SCRN1: variants seen among roughly 807,000 people sequenced by gnomAD.
SCRN1 encodes secernin 1.
A neutral mutation model predicts 43.3 loss-of-function variants in SCRN1; 19 were observed. The ratio of observed to expected loss-of-function variants is 0.44; its 90% CI spans 0.31 to 0.64. The LOEUF (loss-of-function observed/expected upper bound fraction) is 0.64, where lower values mean the gene tolerates loss of function less well. Ranked by LOEUF, SCRN1 falls within the 30% of genes least tolerant of loss-of-function variation. SCRN1 has a pLI of 0.09. For synonymous variants in SCRN1, 183 were observed against 188.9 expected, an observed-to-expected ratio of 0.97 and a Z score of 0.26; for missense variants, 447 against 524.1, an observed-to-expected ratio of 0.85 and a Z score of 1.44.
At chr7:29,968,333 A>T (rs1276071720) in intron 2 of SCRN1, among the ~76,000 whole-genome samples, 1 of 152,206 alleles carries the variant, frequency 6.6e-6, no homozygotes, top group African/African-American at 2.4e-5. Flanking sequence ...GTAGGGAGTG[A>T]TCTCCAGAAT....
At chr7:29,969,234 TGGA>T in intron 1 of SCRN1, 166 bp from the exon 2 acceptor site, 1 of 703,436 alleles carries the variant, frequency 1.4e-6, no homozygotes, top group Non-Finnish European at 2.3e-6. Flanking sequence ...ACGCCTGCAG[TGGA>T]ATGACAGAGC....
intron 6 of SCRN1, among the ~76,000 whole-genome samples, chr7:29,934,843 G>A (rs1010308026): frequency 6.6e-6 from 1 of 152,228 alleles, no homozygotes; most frequent in South Asian, 2.1e-4. Context: ...TTGTTTCACA[G>A]AGGGGCTGGG....
intron 1 of SCRN1, among the ~76,000 whole-genome samples, chr7:29,973,878 A>T (rs765298402): frequency 1.3e-5 from 2 of 152,232 alleles, no homozygotes; most frequent in Non-Finnish European, 2.9e-5. Flanking sequence ...TTACTTGTCC[A>T]GCATCAGAGA....
intron 1 of SCRN1, among the ~76,000 whole-genome samples, chr7:29,985,302 G>T (rs147426013): frequency 2.1e-5 from 3 of 144,030 alleles, no homozygotes; most frequent in African/African-American, 7.9e-5. Context: ...CTACTCAGGA[G>T]ACTAAAGCAG....
chr7:29,968,164 G>A (rs1292986718), intron 2 of SCRN1, among the ~76,000 whole-genome samples: 4 of 152,160 alleles, frequency 2.6e-5, no homozygotes, highest in Non-Finnish European at 5.9e-5. Context: ...CACTATGACA[G>A]ATGCATAAGG....
At chr7:29,951,155 G>A (rs1583670320) in intron 3 of SCRN1, among the ~76,000 whole-genome samples, 1 of 152,212 alleles carries the variant, frequency 6.6e-6, no homozygotes, top group Admixed American at 6.5e-5. Context: ...AAGCTTCCAG[G>A]CACCACGTTT....
At chr7:29,947,398 A>G in intron 3 of SCRN1, 1 of 1,496,136 alleles carries the variant, frequency 6.7e-7, no homozygotes, top group South Asian at 1.3e-5. Flanking sequence ...TATCTTTTCA[A>G]CATCTGTGCC....
In SCRN1 at chr7:29,986,494, C is replaced by T. The variant is rs563872270; in HGVS notation, c.-2+3148G>A. ...ATACAAACTAGCTGCATTTCAAGTG[C>T]TCAATAGCCACATGAGGCTGGTGGC... is the stretch of plus-strand genomic sequence containing the variant. On this transcript the variant is annotated intron_variant, in intron 1 of 7. Transcript: ENST00000242059. Among the ~76,000 whole-genome samples the T allele has an allele frequency of 2.1e-4, 32 of 152,100 alleles. No individual in the cohort carries two copies. The East Asian group carries it at 6.0e-3, about 28-fold the overall frequency.
At chr7:29,926,110 A>G (rs1175349876) in intron 7 of SCRN1, among the ~76,000 whole-genome samples, 2 of 152,236 alleles carry the variant, frequency 1.3e-5, no homozygotes, top group Admixed American at 6.5e-5. Context: ...CCCCAAAAGT[A>G]CATAAGGAAT....
In SCRN1 at chr7:29,989,722, T is replaced by G. The variant is rs376263175; in HGVS notation, c.-82A>C. 1.1e-4 allele frequency: 106 copies of G among 985,872 alleles called. No individual in the cohort carries two copies. The East Asian group carries it at 2.5e-3, about 23-fold the overall frequency. The allele number at this position is 985,872 out of a possible 1,614,324, so 61.1% of individuals were successfully genotyped here. A position where few individuals can be genotyped will look rare whatever the true frequency, so the allele number is the denominator to read the frequency against. On this transcript the variant is annotated 5_prime_UTR_variant, in exon 1 of 8. Coordinates refer to ENST00000242059, the MANE Select transcript of SCRN1 (RefSeq NM_014766.5). ...CGCCGAGGGTGCGGGTGCTGCCGGG[T>G]CCGGATTACTGCGGCGACCTCGGGG...
chr7:29,930,671 T>A (rs1787128580), intron 6 of SCRN1, among the ~76,000 whole-genome samples: 1 of 152,242 alleles, frequency 6.6e-6, no homozygotes, highest in Middle Eastern at 3.2e-3. Flanking sequence ...AGGCTGATTC[T>A]GCCTCTGTCC....
At chr7:29,967,403 T>C (rs1583687634) in intron 2 of SCRN1, among the ~76,000 whole-genome samples, 1 of 151,786 alleles carries the variant, frequency 6.6e-6, no homozygotes, top group East Asian at 1.9e-4. Flanking sequence ...TTTTTTTTTT[T>C]TTTTTTAAAG....
intron 7 of SCRN1, 64 bp downstream of exon 7, chr7:29,926,388 C>T (rs1318002199): frequency 2.6e-6 from 4 of 1,553,354 alleles, no homozygotes; most frequent in Non-Finnish European, 3.5e-6. Flanking sequence ...TTCCCTGCCT[C>T]CTTCCTCGCT....
chr7:29,985,232 C>T (rs1460173236), intron 1 of SCRN1, among the ~76,000 whole-genome samples: 1 of 142,856 alleles, frequency 7.0e-6, no homozygotes, highest in Non-Finnish European at 1.5e-5. Flanking sequence ...GGTGAAACCC[C>T]GTCTCTACTA....
rs750147420 is a variant in SCRN1 at position 29,936,576 on chromosome 7, A to G, written c.885T>C (p.Thr295=). The change falls in exon 6 of 8, where the codon ACT becomes ACC. Residue 295 remains threonine (T), a synonymous_variant. Transcript: ENST00000242059. ...NRSSPCIHYF[T]GTPDPSRSIF... ...CAAACCTGGAAGGATCAGGGGTTCC[A>G]GTGAAGTAGTGAATGCACGGAGAGC... 1.3e-6 allele frequency: 2 copies of G among 1,590,598 alleles called. No individual in the cohort carries two copies. The highest frequency in any genetic ancestry group is 2.7e-5 in the African/African-American group (2 of 74,654).
chr7:29,977,505 T>G (rs1428430139), intron 1 of SCRN1, among the ~76,000 whole-genome samples: 1 of 152,200 alleles, frequency 6.6e-6, no homozygotes, highest in East Asian at 1.9e-4. Context: ...AAAATTGGGA[T>G]GTAAATGCCA....
chr7:29,934,939 T>C (rs1202281492), intron 6 of SCRN1, among the ~76,000 whole-genome samples: 2 of 152,196 alleles, frequency 1.3e-5, no homozygotes, highest in Non-Finnish European at 2.9e-5. Context: ...GTTTCATGAC[T>C]CTCTGCCTTT....
chr7:29,987,915 C>T (rs1358176156), intron 1 of SCRN1, among the ~76,000 whole-genome samples: 1 of 152,214 alleles, frequency 6.6e-6, no homozygotes, highest in Non-Finnish European at 1.5e-5. Flanking sequence ...ACTGCCTCCA[C>T]CTCTGCCCCC....
intron 1 of SCRN1, among the ~76,000 whole-genome samples, chr7:29,982,503 G>A (rs183365792): frequency 4.6e-5 from 7 of 151,912 alleles, no homozygotes; most frequent in Non-Finnish European, 5.9e-5. Flanking sequence ...AACCCAAGGA[G>A]ACCCTATCTC....
Sources: allele counts gnomAD v4.1 joint callset (sites outside exome capture counted in the v4.1 genomes callset), GRCh38; gene constraint gnomAD v4.1.1; transcripts MANE v1.5; gene names NCBI Gene and HGNC (gene_info 2026-07-23, HGNC 2026-07-21).